Variants in SPNS1 observed in about 807,000 individuals in gnomAD.
SPNS1 encodes the protein SPNS lysolipid transporter 1, lysophospholipid.
In SPNS1, 22 loss-of-function variants were observed where a neutral mutation model predicts 50.3. The observed-to-expected ratio is 0.44, with a 90% confidence interval of 0.31 to 0.62. The LOEUF is 0.62. Among genes scored for constraint, SPNS1 ranks in the 20% least tolerant of loss-of-function variants. The probability of loss-of-function intolerance (pLI) is 0.07; values close to 1 mark genes in which losing one functional copy is unlikely to be tolerated. For synonymous variants in SPNS1, 295 were observed against 317.4 expected (o/e 0.93, Z 0.75); for missense variants, 576 against 728.6 (o/e 0.79, Z 2.41).
rs779153525 is a variant in SPNS1, at chr16:28,982,047, C to T, written c.956C>T (p.Ser319Phe). 6.2e-7 allele frequency: 1 copy of T among 1,613,860 alleles called. No individual in the cohort carries two copies. Among genetic ancestry groups the T allele is most frequent in the Non-Finnish European group, 8.5e-7 (1 of 1,179,930 alleles). Residue 319 changes from serine (S) to phenylalanine (F), a missense_variant, in exon 7 of 12, where the codon TCC becomes TTC. Ser to Phe is a radical substitution (Grantham distance 155). Transcript: ENST00000311008. Reference protein sequence around the residue: ...PPCLPGDSCSSSDSLIFGLIT... With the variant: ...PPCLPGDSCSFSDSLIFGLIT... ...TGCCTTCCCGGAGACTCCTGCTCTT[C>T]CTCTGACAGGTGCCCAGATGGGGCT...
chr16:28,982,224 C>A, intron 7 of SPNS1, 132 bp from the exon 8 acceptor site: 2 of 1,339,214 alleles, frequency 1.5e-6, no homozygotes, highest in Non-Finnish European at 2.1e-6. Context: ...ATGATGTCTG[C>A]CACTCAGGGC....
rs1447985181 is a variant in SPNS1 at position 28,981,176 on chromosome 16, C to A, written c.664-294C>A. Among the ~76,000 whole-genome samples, 1 of 152,164 alleles carries A rather than the reference C, an allele frequency of 6.6e-6. No individual in the cohort carries two copies. Among genetic ancestry groups the A allele is most frequent in the East Asian group, 1.9e-4 (1 of 5,192 alleles). ...CACCGAGGCTGGGGTGGTTAACAGT[C>A]CTCTTGTTGGCCAAGCCTGGGATCC... On this transcript the variant is annotated intron_variant, in intron 5 of 11. Coordinates refer to ENST00000311008, the MANE Select transcript of SPNS1 (RefSeq NM_032038.3). The surrounding 1 kb of genome is among the most constrained non-coding windows in gnomAD (Gnocchi z 4.2).
chr16:28,977,023 A>G (rs1045863179), intron 2 of SPNS1, among the ~76,000 whole-genome samples: 1 of 152,214 alleles, frequency 6.6e-6, no homozygotes, highest in Non-Finnish European at 1.5e-5. Flanking sequence ...GATAAGTGTT[A>G]TGTAACAGAA....
At chr16:28,982,980 T>A (rs1187654963) in intron 9 of SPNS1, 58 bp downstream of exon 9, 17 of 1,585,564 alleles carry the variant, frequency 1.1e-5, no homozygotes, top group Non-Finnish European at 1.5e-5. Context: ...AGAGTTGGGG[T>A]CAGGAGTGTT....
rs1309518427 is a variant in SPNS1 at position 28,982,475 on chromosome 16, GCCT to G, written c.1089_1091del (p.Leu364del). 2 of 1,613,638 alleles carry G rather than the reference GCCT, an allele frequency of 1.2e-6. No individual in the cohort carries two copies. The highest frequency in any genetic ancestry group is 1.7e-6 in the Non-Finnish European group (2 of 1,179,934). On this transcript the variant is annotated inframe_deletion, in exon 8 of 12. Transcript: ENST00000311008. Reference sequence around the variant, plus strand: ...GCTGATCCCCTGGTCTGTGCCACTGGCCTCCTGGGCTCTGCACCCTTCCTCTTC... The same window carrying G: ...GCTGATCCCCTGGTCTGTGCCACTGGCCTGGGCTCTGCACCCTTCCTCTTC...
Position 28,975,082 on chromosome 16 carries a change from C to T in SPNS1, c.-70C>T. Reference sequence around the variant, plus strand: ...TGTGTTCGGTCCATCCTCCTTTCTCCAGCCTCCTCCCCTCGCAGGTGGGAT... The same window carrying T: ...TGTGTTCGGTCCATCCTCCTTTCTCTAGCCTCCTCCCCTCGCAGGTGGGAT... On this transcript the variant is annotated 5_prime_UTR_variant, in exon 1 of 12. Transcript: ENST00000311008. 1 of 1,439,312 alleles carries T rather than the reference C, an allele frequency of 6.9e-7. No individual in the cohort carries two copies. Among genetic ancestry groups the T allele is most frequent in the Non-Finnish European group, 9.1e-7 (1 of 1,101,012 alleles). The allele number at this position is 1,439,312 out of a possible 1,614,324, so 89.2% of individuals were successfully genotyped here. A position where few individuals can be genotyped will look rare whatever the true frequency, so the allele number is the denominator to read the frequency against.
Position 28,983,177 on chromosome 16 carries a change from C to T in SPNS1, c.1222-15C>T. On this transcript the variant is annotated splice_polypyrimidine_tract_variant and intron_variant, in intron 9 of 11. Transcript: ENST00000311008. The surrounding 1 kb of genome is among the most constrained non-coding windows in gnomAD (Gnocchi z 5.4). Reference sequence around the variant, plus strand: ...AGCCCAGAGCATCCACTGAGCTCCACCAACTCCTCCACAGTACGTGGTGAT... The same window carrying T: ...AGCCCAGAGCATCCACTGAGCTCCATCAACTCCTCCACAGTACGTGGTGAT... The T allele has an allele frequency of 1.2e-6, 2 of 1,602,960 alleles. No individual in the cohort carries two copies. The highest frequency in any genetic ancestry group is 8.5e-7 in the Non-Finnish European group (1 of 1,170,754).
chr16:28,980,709 C>G (rs1965514309), intron 5 of SPNS1: 1 of 152,140 alleles, frequency 6.6e-6, no homozygotes, highest in Non-Finnish European at 1.5e-5. Flanking sequence ...AAAAAATTAG[C>G]TGGGCGTGGT....
chr16:28,975,795 C>G (rs1965321567), intron 2 of SPNS1, among the ~76,000 whole-genome samples: 1 of 152,230 alleles, frequency 6.6e-6, no homozygotes, highest in Non-Finnish European at 1.5e-5. Flanking sequence ...TAAATCTCAG[C>G]TCTTCCACTT....
chr16:28,982,151 G>T, intron 7 of SPNS1, 95 bp downstream of exon 7: 1 of 1,479,680 alleles, frequency 6.8e-7, no homozygotes, highest in South Asian at 1.2e-5. Context: ...TTTGACTCCT[G>T]ACTTCACAAG....
In SPNS1 at chr16:28,978,038, C is replaced by G; in HGVS notation, c.438C>G (p.Pro146=). Reference sequence around the variant, plus strand: ...TGACACTGGGGTCATCCTTCATCCCCGGAGAGGTGAGGCCCCAAGCTGGCT... The same window carrying G: ...TGACACTGGGGTCATCCTTCATCCCGGGAGAGGTGAGGCCCCAAGCTGGCT... The part of the protein sequence containing the change: ...SLVTLGSSFI[P]GEHFWLLLLT... Residue 146 remains proline (P), a synonymous_variant, in exon 3 of 12, where the codon CCC becomes CCG. Coordinates refer to ENST00000311008, the MANE Select transcript of SPNS1 (RefSeq NM_032038.3). 1 of 1,613,158 alleles carries G rather than the reference C, an allele frequency of 6.2e-7. No homozygotes were observed. The highest frequency in any genetic ancestry group is 8.5e-7 in the Non-Finnish European group (1 of 1,179,484).
In SPNS1 at chr16:28,983,823, T is replaced by C. The variant is rs780566473; in HGVS notation, c.1358T>C (p.Phe453Ser). The change falls in exon 11 of 12, where the codon TTC becomes TCC. Residue 453 changes from phenylalanine to serine, a missense_variant. Around this residue, in one of 3 missense-constraint regions of SPNS1, gnomAD observed 428 missense variants for 520.1 expected, o/e 0.82. Coordinates refer to ENST00000311008, the MANE Select transcript of SPNS1 (RefSeq NM_032038.3). This position sits in a 1 kb window ranked among gnomAD's most constrained non-coding sequence, Gnocchi z 5.4. ...DRLRRNWPPS[F>S]LSEFRALQFS... is the part of the protein sequence containing the mutation. ...CTGCGCCGGAACTGGCCCCCCTCCT[T>C]CTTGTCCGAGTTCCGGGCTCTGCAG... is the stretch of plus-strand genomic sequence containing the variant. 1 of 1,604,232 alleles carries C rather than the reference T, an allele frequency of 6.2e-7. No individual in the cohort carries two copies. The highest frequency in any genetic ancestry group is 1.1e-5 in the South Asian group (1 of 90,908).
rs752513831 is a variant in SPNS1 at position 28,975,520 on chromosome 16, C to T, written c.270C>T (p.Phe90=). 17 of 1,614,250 alleles carry T rather than the reference C, an allele frequency of 1.1e-5. No homozygotes were observed. The South Asian group carries it at 1.9e-4, about 18-fold the overall frequency. ...TCCTTCCCGACATCGAGCAGTTCTTCAACATCGGGGACAGTAGCTCTGGGC... is the reference window on the plus strand; with the variant it reads ...TCCTTCCCGACATCGAGCAGTTCTTTAACATCGGGGACAGTAGCTCTGGGC... The part of the protein sequence containing the change: ...AGVLPDIEQF[F]NIGDSSSGLI... The change falls in exon 2 of 12, where the codon TTC becomes TTT. Residue 90 remains phenylalanine, a synonymous_variant. Transcript: ENST00000311008.
intron 8 of SPNS1, 57 bp from the exon 9 acceptor site, chr16:28,982,800 C>T: frequency 3.8e-6 from 6 of 1,578,806 alleles, no homozygotes; most frequent in Non-Finnish European, 5.2e-6. Context: ...GGAACATGGT[C>T]AACTTTCCAT....
rs768496894 is a variant in SPNS1 at position 28,979,137 on chromosome 16, C to T, written c.445-18C>T. ...GTTGCAGGCTGGGGTGCCACCTCTC[C>T]CCGGTCTCTCTCCCCAGCATTTCTG... On this transcript the variant is annotated intron_variant, in intron 3 of 11. Coordinates refer to ENST00000311008, the MANE Select transcript of SPNS1 (RefSeq NM_032038.3). 6.2e-7 allele frequency: 1 copy of T among 1,610,320 alleles called. No homozygotes were observed. Among genetic ancestry groups the T allele is most frequent in the South Asian group, 1.1e-5 (1 of 90,768 alleles).
In SPNS1 at chr16:28,983,058, G is replaced by A. The variant is rs888174704; in HGVS notation, c.1222-134G>A. The A allele has an allele frequency of 3.9e-5, 48 of 1,238,644 alleles. 1 individual carries two copies. Among genetic ancestry groups the A allele is most frequent in the Non-Finnish European group, 5.1e-5 (44 of 860,638 alleles). The allele number at this position is 1,238,644 out of a possible 1,614,324, so 76.7% of individuals were successfully genotyped here. A position where few individuals can be genotyped will look rare whatever the true frequency, so the allele number is the denominator to read the frequency against. On this transcript the variant is annotated intron_variant, in intron 9 of 11. Transcript: ENST00000311008. This position sits in a 1 kb window ranked among gnomAD's most constrained non-coding sequence, Gnocchi z 5.4. ...TAAATAACATCTGTAGCAGACCCCC[G>A]GCCTGCCCTGCGACCTCAACCCCAG...
downstream of SPNS1, chr16:28,984,701 G>A (rs955570483): frequency 1.4e-5 from 10 of 692,832 alleles, no homozygotes; most frequent in East Asian, 2.7e-5. Flanking sequence ...GCTCTTCTCC[G>A]AGTGAGCTGG....
Position 28,975,126 on chromosome 16 carries a change from G to A in SPNS1, c.-26G>A. The A allele has an allele frequency of 1.4e-6, 2 of 1,467,852 alleles. No homozygotes were observed. Among genetic ancestry groups the A allele is most frequent in the Middle Eastern group, 2.5e-4 (1 of 4,066 alleles). The allele number at this position is 1,467,852 out of a possible 1,614,324, so 90.9% of individuals were successfully genotyped here. A position where few individuals can be genotyped will look rare whatever the true frequency, so the allele number is the denominator to read the frequency against. The stretch of plus-strand genomic sequence containing the variant: ...GTGGGATCGTCGGTGGGACCGGAGC[G>A]CGGGCGGGCGCGGCCCCCCGGGACC... On this transcript the variant is annotated 5_prime_UTR_variant, in exon 1 of 12. Transcript: ENST00000311008.
intron 5 of SPNS1, chr16:28,980,208 T>A (rs1428314028): frequency 6.9e-6 from 1 of 143,988 alleles, no homozygotes; most frequent in Non-Finnish European, 1.5e-5. Context: ...GCCTGTAATC[T>A]CAGCTACTCG....
Sources: allele counts gnomAD v4.1 joint callset (sites outside exome capture counted in the v4.1 genomes callset), GRCh38; gene constraint gnomAD v4.1.1; regional missense constraint gnomAD v4.1.1; non-coding constraint Gnocchi (gnomAD v3.1); transcripts MANE v1.5; gene names NCBI Gene and HGNC (gene_info 2026-07-23, HGNC 2026-07-21).